The following MORC4 variants were observed in gnomAD, a reference collection of about 807,000 sequenced individuals.
MORC4 encodes the protein MORC family CW-type zinc finger protein 4.
MORC4 carries 22 observed loss-of-function variants against 65.5 expected under a neutral mutation model. The observed-to-expected ratio is 0.34, with a 90% CI of 0.24 to 0.48. The LOEUF (loss-of-function observed/expected upper bound fraction) is 0.48, where lower values mean the gene tolerates loss of function less well. Among genes scored for constraint, MORC4 ranks in the 20% least tolerant of loss-of-function variants. The pLI is 0.99. For synonymous variants in MORC4, 267 were observed against 255.8 expected, an observed-to-expected ratio of 1.04 and a Z score of -0.42; for missense variants, 624 against 703.0, an observed-to-expected ratio of 0.89 and a Z score of 1.27.
At position 107,000,163 on chromosome X, in the gene MORC4, G is replaced by A. The variant is rs760724510; in HGVS notation, c.-194C>T. 122 of 133,512 alleles carry A rather than the reference G, an allele frequency of 9.1e-4. No homozygotes were observed. Among genetic ancestry groups the A allele is most frequent in the Admixed American group, 9.1e-3 (107 of 11,744 alleles). The allele number at this position is 133,512 out of a possible 1,213,427, so 11.0% of individuals were successfully genotyped here. A position where few individuals can be genotyped will look rare whatever the true frequency, so the allele number is the denominator to read the frequency against. On this transcript the variant is annotated 5_prime_UTR_variant, in exon 1 of 17. Coordinates refer to ENST00000355610, the MANE Select transcript of MORC4 (RefSeq NM_024657.5). ...CCGGGCGGGAGGGGTGAGGCCGGCT[G>A]AGGCAAGCGGCGGCTCCGCCCTGTC... is the stretch of plus-strand genomic sequence containing the variant.
chrX:106,951,936 C>T (rs1233049926), intron 14 of MORC4, among the ~76,000 whole-genome samples: 2 of 86,211 alleles, frequency 2.3e-5, no homozygotes, highest in Admixed American at 1.7e-4. Context: ...GTGGAGGTTG[C>T]AGTGAGCCGA....
At chrX:106,965,652 T>A (rs1430406269) in intron 9 of MORC4, among the ~76,000 whole-genome samples, 1 of 111,982 alleles carries the variant, frequency 8.9e-6, no homozygotes, top group African/African-American at 3.2e-5. Context: ...GTTGCAAAAA[T>A]TTTGAGAAGC....
In MORC4 at chrX:106,958,479, A is replaced by G; in HGVS notation, c.1257-15T>C. 8.4e-7 allele frequency: 1 copy of G among 1,196,845 alleles called. No individual in the cohort carries two copies. On this transcript the variant is annotated splice_polypyrimidine_tract_variant and intron_variant, in intron 10 of 16. Coordinates refer to ENST00000355610, the MANE Select transcript of MORC4 (RefSeq NM_024657.5). ...CAGGAACCTTCCTGAATGAAGGAAAATGGAAGTGTGACTGTGTATATCTTA... is the reference window on the plus strand; with the variant it reads ...CAGGAACCTTCCTGAATGAAGGAAAGTGGAAGTGTGACTGTGTATATCTTA...
At chrX:106,991,069 A>C in intron 3 of MORC4, among the ~76,000 whole-genome samples, 1 of 111,440 alleles carries the variant, frequency 9.0e-6, no homozygotes, top group Admixed American at 9.5e-5. Context: ...TATGATAGGG[A>C]AAATTCTATA....
At chrX:106,982,378 C>G (rs1934765430) in intron 5 of MORC4, among the ~76,000 whole-genome samples, 1 of 111,840 alleles carries the variant, frequency 8.9e-6, no homozygotes, top group Non-Finnish European at 1.9e-5. Context: ...GCTCTATAAG[C>G]TCAGAGCTGC....
At position 106,947,591 on chromosome X, in the gene MORC4, A is replaced by ATT. The variant is rs1411668743; in HGVS notation, c.1686-4387_1686-4386insAA. Among the ~76,000 whole-genome samples, 5 of 83,124 alleles carry ATT rather than the reference A, an allele frequency of 6.0e-5. No homozygotes were observed. In the East Asian group the frequency reaches 1.1e-3, roughly 17 times the overall value. 72.2% of individuals were successfully genotyped at this position (83,124 alleles called of 115,157 possible). A position where few individuals can be genotyped will look rare whatever the true frequency, so the allele number is the denominator to read the frequency against. On this transcript the variant is annotated intron_variant, in intron 14 of 16. Coordinates refer to ENST00000355610, the MANE Select transcript of MORC4 (RefSeq NM_024657.5). ...ATATATTATATATATATATATATAT[A>ATT]ATATATATATATATAAAACACACTT...
intron 10 of MORC4, among the ~76,000 whole-genome samples, chrX:106,960,607 T>C (rs1266415686): frequency 1.8e-5 from 2 of 111,985 alleles, no homozygotes; most frequent in African/African-American, 6.5e-5. Context: ...AACCACTGCA[T>C]GTAAAGAACT....
chrX:106,998,696 T>C (rs963541562), intron 2 of MORC4, among the ~76,000 whole-genome samples: 6 of 112,158 alleles, frequency 5.3e-5, no homozygotes, highest in African/African-American at 1.9e-4. Flanking sequence ...TCTAATTAAA[T>C]TACACATATT....
chrX:106,991,840 G>A (rs1934990573), intron 3 of MORC4, among the ~76,000 whole-genome samples: 1 of 111,566 alleles, frequency 9.0e-6, no homozygotes, highest in Admixed American at 9.5e-5. Flanking sequence ...AGGAGGCTGA[G>A]GTTGCAGTGA....
chrX:106,983,181 T>C (rs1050995785), intron 5 of MORC4, among the ~76,000 whole-genome samples: 1 of 112,088 alleles, frequency 8.9e-6, no homozygotes, highest in Non-Finnish European at 1.9e-5. Flanking sequence ...TCAACCTGTA[T>C]ACCACCTAGT....
intron 14 of MORC4, among the ~76,000 whole-genome samples, chrX:106,950,627 C>T (rs186314469): frequency 4.5e-5 from 5 of 112,155 alleles, no homozygotes; most frequent in Admixed American, 9.4e-5. Context: ...AGTGCTCCCA[C>T]CCTATAAGTG....
intron 9 of MORC4, among the ~76,000 whole-genome samples, chrX:106,976,144 C>G (rs373787428): frequency 9.8e-5 from 11 of 111,959 alleles, no homozygotes; most frequent in African/African-American, 3.6e-4. Context: ...AATCTAGATG[C>G]TTTAATGAAA....
At chrX:106,991,265 A>G (rs1461151134) in intron 3 of MORC4, among the ~76,000 whole-genome samples, 2 of 111,976 alleles carry the variant, frequency 1.8e-5, no homozygotes, top group Non-Finnish European at 3.8e-5. Context: ...CATAGCACTT[A>G]CCACTGGGTG....
At chrX:106,976,722 G>A in intron 8 of MORC4, 38 bp from the exon 9 acceptor site, 2 of 1,006,214 alleles carry the variant, frequency 2.0e-6, no homozygotes, top group South Asian at 2.0e-5. Context: ...TTACATTACT[G>A]TTGGCTGCCT....
Position 106,999,978 on chromosome X carries a change from C to A in MORC4, c.-9G>T. 1.2e-6 allele frequency: 1 copy of A among 835,533 alleles called. No homozygotes were observed. Among genetic ancestry groups the A allele is most frequent in the South Asian group, 5.2e-5 (1 of 19,248 alleles). The allele number at this position is 835,533 out of a possible 1,213,427, so 68.9% of individuals were successfully genotyped here. A position where few individuals can be genotyped will look rare whatever the true frequency, so the allele number is the denominator to read the frequency against. On this transcript the variant is annotated 5_prime_UTR_variant, in exon 1 of 17. Transcript: ENST00000355610. ...CCTCGGTACAGGAGCATTTTTTTGG[C>A]CGCCACGGTACCCGTCTGCTGCCGC...
intron 2 of MORC4, among the ~76,000 whole-genome samples, chrX:106,997,562 T>C (rs1314380462): frequency 4.4e-5 from 5 of 112,405 alleles, no homozygotes; most frequent in South Asian, 3.7e-4. Flanking sequence ...ACTTAGTATA[T>C]ATGTAACCTT....
rs749135587 is a variant in MORC4 at position 106,942,949 on chromosome X, CT to C, written c.1941del (p.Ala649ProfsTer14). ...GACCCCTGGCGTTGGTCTTTGGCCC[CT>C]GGATACAGAATTGAAACCTCCCTAT... Reference protein sequence around the residue: ...GQNREVSILYPGAKDQRQGSL... With the variant: ...GQNREVSILYXGAKDQRQGSL... On this transcript the variant is annotated frameshift_variant, in exon 15 of 17. Coordinates refer to ENST00000355610, the MANE Select transcript of MORC4 (RefSeq NM_024657.5). LOFTEE classifies it high-confidence loss of function. 3 of 1,209,963 alleles carry C rather than the reference CT, an allele frequency of 2.5e-6. No individual in the cohort carries two copies. In the African/African-American group the frequency reaches 5.2e-5, roughly 21 times the overall value.
In MORC4 at chrX:106,940,767, A is replaced by G. The variant is rs1661634558; in HGVS notation, c.*712T>C. The G allele has an allele frequency of 8.9e-6, 1 of 112,450 alleles. No homozygotes were observed. 9.3% of individuals were successfully genotyped at this position (112,450 alleles called of 1,213,427 possible). ...TTTAAAAACAATTTATTTTTTTCCA[A>G]TGTAAGAATAACAAGTTTAATATTG... On this transcript the variant is annotated 3_prime_UTR_variant, in exon 17 of 17. Coordinates refer to ENST00000355610, the MANE Select transcript of MORC4 (RefSeq NM_024657.5).
chrX:106,947,589 AT>A, intron 14 of MORC4, among the ~76,000 whole-genome samples: 1 of 91,548 alleles, frequency 1.1e-5, no homozygotes, highest in African/African-American at 4.1e-5. Context: ...ATATATATAT[AT>A]AATATATATA....
Sources: allele counts gnomAD v4.1 joint callset (sites outside exome capture counted in the v4.1 genomes callset), GRCh38; gene constraint gnomAD v4.1.1; transcripts MANE v1.5; gene names NCBI Gene and HGNC (gene_info 2026-07-23, HGNC 2026-07-21).